The following YME1L1 variants were observed in gnomAD, a reference collection of about 807,000 sequenced individuals.
YME1L1 encodes the protein ATP-dependent zinc metalloprotease YME1L1.
YME1L1 carries 39 observed loss-of-function variants against 90.4 expected under a neutral mutation model. The observed-to-expected ratio is 0.43, with a 90% CI of 0.33 to 0.56. The LOEUF (loss-of-function observed/expected upper bound fraction) is 0.56. Among genes scored for constraint, YME1L1 ranks in the 20% least tolerant of loss-of-function variants. YME1L1 has a pLI of 0.03. For missense variants in YME1L1, 617 were observed against 868.4 expected (o/e 0.71, Z 3.64); for synonymous variants, 284 against 287.3 (o/e 0.99, Z 0.12).
chr10:27,153,572 A>G (rs2057260576), intron 1 of YME1L1, among the ~76,000 whole-genome samples: 1 of 152,206 alleles, frequency 6.6e-6, no homozygotes. Flanking sequence ...TTTTCTCTTC[A>G]CTACCTTTTG....
intron 10 of YME1L1, 55 bp from the exon 11 acceptor site, chr10:27,123,028 A>G: frequency 1.3e-6 from 2 of 1,565,424 alleles, no homozygotes; most frequent in Admixed American, 2.0e-5. Context: ...ACTTTTGAAC[A>G]AAACGAGATA....
At chr10:27,143,825 T>G (rs559177916) in intron 3 of YME1L1, among the ~76,000 whole-genome samples, 5 of 152,212 alleles carry the variant, frequency 3.3e-5, no homozygotes, top group African/African-American at 1.2e-4. Flanking sequence ...AATAAAACAC[T>G]GTGAATCATA....
chr10:27,133,505 T>C (rs2056996946), intron 7 of YME1L1, among the ~76,000 whole-genome samples: 1 of 152,162 alleles, frequency 6.6e-6, no homozygotes, highest in Non-Finnish European at 1.5e-5. Flanking sequence ...AAAACAAATT[T>C]AAAATAGTAA....
intron 18 of YME1L1, among the ~76,000 whole-genome samples, chr10:27,113,792 C>G (rs1452881829): frequency 6.6e-6 from 1 of 151,444 alleles, no homozygotes; most frequent in South Asian, 2.1e-4. Flanking sequence ...GAGTTCAAGT[C>G]CAGCCTGGGC....
rs529337943 is a variant in YME1L1 at position 27,147,193 on chromosome 10, A to T, written c.169-1603T>A. ...TTCTGTCTTATAGAAGAAAATGGAGAACTAAGGAAGATAGACTGGCCTAGC... is the reference window on the plus strand; with the variant it reads ...TTCTGTCTTATAGAAGAAAATGGAGTACTAAGGAAGATAGACTGGCCTAGC... On this transcript the variant is annotated intron_variant, in intron 2 of 18. Coordinates refer to ENST00000376016, the MANE Select transcript of YME1L1 (RefSeq NM_014263.4). 3.9e-5 allele frequency: 23 copies of T among 585,860 alleles called. No homozygotes were observed. In the East Asian group the frequency reaches 6.1e-4, roughly 16 times the overall value. 36.3% of individuals were successfully genotyped at this position (585,860 alleles called of 1,614,324 possible). A position where few individuals can be genotyped will look rare whatever the true frequency, so the allele number is the denominator to read the frequency against.
intron 4 of YME1L1, 134 bp from the exon 5 acceptor site, chr10:27,136,519 CTT>C: frequency 4.2e-6 from 3 of 708,090 alleles, no homozygotes; most frequent in Non-Finnish European, 6.9e-6. Flanking sequence ...ATACGTTTTC[CTT>C]TGTTTCCTTC....
At chr10:27,150,796 G>A (rs1312729908) in intron 1 of YME1L1, among the ~76,000 whole-genome samples, 1 of 152,010 alleles carries the variant, frequency 6.6e-6, no homozygotes, top group East Asian at 1.9e-4. Context: ...ATAAAATCAA[G>A]AAATAACTAA....
intron 8 of YME1L1, among the ~76,000 whole-genome samples, chr10:27,130,080 T>G (rs2056961568): frequency 6.6e-6 from 1 of 152,210 alleles, no homozygotes; most frequent in Admixed American, 6.5e-5. Context: ...CAATTGGAAT[T>G]TAACCCCTGC....
chr10:27,137,461 A>G (rs1165674832), intron 4 of YME1L1, among the ~76,000 whole-genome samples: 1 of 152,194 alleles, frequency 6.6e-6, no homozygotes, highest in South Asian at 2.1e-4. Flanking sequence ...ATGTCAGCAG[A>G]TGTAGACTGA....
chr10:27,148,944 G>A lies in YME1L1; in HGVS notation c.130C>T (p.Arg44Ter). 2 of 1,613,986 alleles carry A rather than the reference G, an allele frequency of 1.2e-6. No homozygotes were observed. The highest frequency in any genetic ancestry group is 1.7e-6 in the Non-Finnish European group (2 of 1,179,980). Residue 44 changes from arginine (R) to a stop codon, truncating the protein, a stop_gained, in exon 2 of 19, where the codon CGA becomes TGA. Transcript: ENST00000376016. LOFTEE classifies it high-confidence loss of function. ...SGVSVSQNQH[R>*]DVVPEHEAPS... ...GCCTCATGCTCAGGAACTACATCTC[G>A]ATGCTGGTTTTGAGAAACTGACACT...
chr10:27,145,303 A>G, intron 3 of YME1L1, 125 bp downstream of exon 3: 1 of 838,318 alleles, frequency 1.2e-6, no homozygotes, highest in Non-Finnish European at 1.6e-6. Context: ...AAAAAAAACA[A>G]AAAAAAAACA....
chr10:27,138,264 A>T (rs2057049993), intron 4 of YME1L1, among the ~76,000 whole-genome samples: 2 of 152,242 alleles, frequency 1.3e-5, no homozygotes, highest in Middle Eastern at 6.8e-3. Context: ...ATTTTCATGT[A>T]CTTAAGTAGG....
At chr10:27,119,998 C>A (rs1455609243) in intron 13 of YME1L1, among the ~76,000 whole-genome samples, 2 of 152,066 alleles carry the variant, frequency 1.3e-5, no homozygotes, top group Non-Finnish European at 2.9e-5. Flanking sequence ...GAAACTACTG[C>A]AGCTTTAATA....
At chr10:27,116,428 C>CA in intron 15 of YME1L1, 83 bp from the exon 16 acceptor site, 2 of 1,505,234 alleles carry the variant, frequency 1.3e-6, no homozygotes. Context: ...AGCACTTTGG[C>CA]AGGCGAGGTG....
At chr10:27,123,021 T>C (rs749059613) in intron 10 of YME1L1, 48 bp from the exon 11 acceptor site, 2 of 1,582,968 alleles carry the variant, frequency 1.3e-6, no homozygotes, top group South Asian at 2.3e-5. Context: ...AGTCAACACT[T>C]TTGAACAAAA....
intron 4 of YME1L1, among the ~76,000 whole-genome samples, chr10:27,138,174 G>A (rs1190948985): frequency 1.3e-5 from 2 of 151,954 alleles, no homozygotes; most frequent in Non-Finnish European, 2.9e-5. Context: ...TTGCACTGAT[G>A]TATGTCAGCA....
At chr10:27,134,259 A>AC in intron 6 of YME1L1, 137 bp from the exon 7 acceptor site, 2 of 720,600 alleles carry the variant, frequency 2.8e-6, no homozygotes, top group Admixed American at 5.6e-5. Flanking sequence ...CTTTCTCACA[A>AC]CTGCTATGAT....
chr10:27,118,175 A>C (rs979339152), intron 14 of YME1L1, among the ~76,000 whole-genome samples: 2 of 152,212 alleles, frequency 1.3e-5, no homozygotes, highest in African/African-American at 4.8e-5. Flanking sequence ...AGTCATTCTT[A>C]TTATAGCTCA....
intron 4 of YME1L1, among the ~76,000 whole-genome samples, chr10:27,140,839 A>G (rs1424770932): frequency 6.6e-6 from 1 of 152,086 alleles, no homozygotes; most frequent in Non-Finnish European, 1.5e-5. Context: ...ATTTTCTGAC[A>G]TTGAGAGAAT....
Sources: gnomAD v4.1 joint callset for allele counts (sites outside exome capture counted in the v4.1 genomes callset) on GRCh38, gnomAD v4.1.1 for gene constraint, MANE v1.5 for transcripts, NCBI Gene and HGNC (gene_info 2026-07-23, HGNC 2026-07-21) for gene names.